The following DROSHA variants were observed in gnomAD, a reference collection of about 807,000 sequenced individuals.
DROSHA encodes the protein ribonuclease 3.
In DROSHA, 56 loss-of-function variants were observed where a neutral mutation model predicts 181.9. That is an observed-to-expected ratio of 0.31 (90% CI 0.25 to 0.38). DROSHA has a LOEUF of 0.38. Ranked by LOEUF, DROSHA falls within the 10% of genes least tolerant of loss-of-function variation. The pLI is 1.00. For synonymous variants in DROSHA, 524 were observed against 591.2 expected, an observed-to-expected ratio of 0.89 and a Z score of 1.65; for missense variants, 1,218 against 1,743.5, an observed-to-expected ratio of 0.70 and a Z score of 5.37.
intron 14 of DROSHA, 65 bp from the exon 15 acceptor site, chr5:31,485,027 C>T (rs1381406703): frequency 8.9e-7 from 1 of 1,127,344 alleles, no homozygotes; most frequent in East Asian, 2.6e-5. Flanking sequence ...GAAGGTTCAA[C>T]TTGTTCTTGT....
At chr5:31,475,117 A>G (rs1022250943) in intron 16 of DROSHA, among the ~76,000 whole-genome samples, 6 of 152,126 alleles carry the variant, frequency 3.9e-5, no homozygotes, top group African/African-American at 1.4e-4. Context: ...CAGGAGTTCA[A>G]GGCTAGCCTG....
intron 21 of DROSHA, among the ~76,000 whole-genome samples, chr5:31,450,115 T>C (rs1315067368): frequency 6.6e-6 from 1 of 152,150 alleles, no homozygotes; most frequent in Non-Finnish European, 1.5e-5. Context: ...CACAAGGAGA[T>C]ACCACTTACC....
intron 11 of DROSHA, among the ~76,000 whole-genome samples, chr5:31,500,198 T>C (rs1167248351): frequency 2.0e-5 from 3 of 152,176 alleles, no homozygotes; most frequent in Admixed American, 1.3e-4. Context: ...CCAATACCTA[T>C]AATTGGGGTC....
chr5:31,503,603 T>C (rs1446133624), intron 11 of DROSHA, among the ~76,000 whole-genome samples: 2 of 152,162 alleles, frequency 1.3e-5, no homozygotes, highest in Non-Finnish European at 2.9e-5. Flanking sequence ...TGACAGCCAT[T>C]CCAGCACAAC....
intron 3 of DROSHA, among the ~76,000 whole-genome samples, chr5:31,529,748 C>CAAAAAAAAAAAAAAAAA (rs60599492): frequency 7.9e-6 from 1 of 125,898 alleles, no homozygotes; most frequent in African/African-American, 3.0e-5. Flanking sequence ...AAAAAAAAAA[C>CAAAAAAAAAAAAAAAAA]AAAAAAAAAA....
At chr5:31,494,208 T>C (rs1213980141) in intron 12 of DROSHA, among the ~76,000 whole-genome samples, 3 of 152,064 alleles carry the variant, frequency 2.0e-5, no homozygotes, top group African/African-American at 7.2e-5. Context: ...CTTCAGGTGA[T>C]CCACTCGCCT....
intron 15 of DROSHA, among the ~76,000 whole-genome samples, chr5:31,484,343 C>A (rs571459059): frequency 2.5e-5 from 3 of 118,806 alleles, no homozygotes; most frequent in Non-Finnish European, 5.0e-5. Flanking sequence ...CACTGCAGTC[C>A]GCAGTCCGGC....
At chr5:31,419,413 AT>A (rs1452930948) in intron 30 of DROSHA, among the ~76,000 whole-genome samples, 1 of 152,206 alleles carries the variant, frequency 6.6e-6, no homozygotes, top group Non-Finnish European at 1.5e-5. Context: ...TGTTAAATAC[AT>A]TTTGGATAAA....
intron 20 of DROSHA, among the ~76,000 whole-genome samples, chr5:31,461,361 C>A (rs1580174060): frequency 1.3e-5 from 2 of 152,262 alleles, no homozygotes; most frequent in South Asian, 4.1e-4. Context: ...CCAGGAAGAG[C>A]TAACGTATCA....
At chr5:31,530,756 C>A in intron 3 of DROSHA, 42 bp downstream of exon 3, 1 of 398,214 alleles carries the variant, frequency 2.5e-6, no homozygotes, top group South Asian at 1.3e-4. Flanking sequence ...AATCCCATTC[C>A]CTCTAGACTT....
Position 31,528,833 on chromosome 5 carries a change from C to A in DROSHA, c.20+207G>T, listed in dbSNP as rs140650006. On this transcript the variant is annotated intron_variant, in intron 4 of 35. Transcript: ENST00000344624. ...GGAACTGCAAGCGCTGTCAGGGCAG[C>A]GCTCTGGGATTTCTATTAACTGTTC... Among the ~76,000 whole-genome samples, 12 of 152,336 alleles carry A rather than the reference C, an allele frequency of 7.9e-5. No homozygotes were observed. In the East Asian group the frequency reaches 1.9e-3, roughly 25 times the overall value.
chr5:31,513,507 G>A (rs999653521), intron 8 of DROSHA, among the ~76,000 whole-genome samples: 6 of 152,124 alleles, frequency 3.9e-5, no homozygotes, highest in Non-Finnish European at 8.8e-5. Context: ...TTCAGGCACC[G>A]TAAAGTGCAC....
chr5:31,518,388 T>G (rs1367407306), intron 6 of DROSHA, among the ~76,000 whole-genome samples: 1 of 152,238 alleles, frequency 6.6e-6, no homozygotes, highest in African/African-American at 2.4e-5. Flanking sequence ...TTTTATTACA[T>G]CACCTTCTTT....
chr5:31,437,204 T>C (rs529930730), intron 24 of DROSHA, 35 bp downstream of exon 24: 19 of 1,546,038 alleles, frequency 1.2e-5, no homozygotes, highest in Non-Finnish European at 1.7e-5. Context: ...AATGTAATTA[T>C]TGAGGAATTG....
In DROSHA at chr5:31,438,720, T is replaced by C. The variant is rs114528766; in HGVS notation, c.2883-1422A>G. 4.5e-3 allele frequency among the ~76,000 whole-genome samples: 683 copies of C among 152,216 alleles called. 6 individuals are homozygous for C. The highest frequency in any genetic ancestry group is 0.015 in the African/African-American group (635 of 41,536). On this transcript the variant is annotated intron_variant, in intron 23 of 35. Coordinates refer to ENST00000344624, the MANE Select transcript of DROSHA (RefSeq NM_001382508.1). ...ACAGTTGCTAATGAATCTTTAGGGTTAGTCAATGTTAGACAGAATTTCAGG... is the reference window on the plus strand; with the variant it reads ...ACAGTTGCTAATGAATCTTTAGGGTCAGTCAATGTTAGACAGAATTTCAGG...
intron 16 of DROSHA, among the ~76,000 whole-genome samples, chr5:31,477,107 T>C (rs562309129): frequency 6.6e-6 from 1 of 152,316 alleles, no homozygotes; most frequent in African/African-American, 2.4e-5. Context: ...AACAGCTCAT[T>C]ATTCGGGAAG....
intron 5 of DROSHA, among the ~76,000 whole-genome samples, chr5:31,525,486 A>G (rs1195871105): frequency 1.4e-5 from 2 of 146,580 alleles, no homozygotes; most frequent in Non-Finnish European, 3.0e-5. Flanking sequence ...CCTGGGCAAC[A>G]TAGCGAGATT....
chr5:31,422,720 C>T, intron 29 of DROSHA, 67 bp downstream of exon 29: 3 of 1,580,920 alleles, frequency 1.9e-6, no homozygotes, highest in Non-Finnish European at 2.6e-6. Context: ...GAAGGGCATG[C>T]TCCAAAGGTC....
At chr5:31,505,381 G>A (rs1456175184) in intron 10 of DROSHA, among the ~76,000 whole-genome samples, 1 of 152,140 alleles carries the variant, frequency 6.6e-6, no homozygotes, top group Admixed American at 6.5e-5. Flanking sequence ...TCAAACAGAT[G>A]AGATGGACAA....
Sources: gnomAD v4.1 joint callset for allele counts (sites outside exome capture counted in the v4.1 genomes callset) on GRCh38, gnomAD v4.1.1 for gene constraint, MANE v1.5 for transcripts, NCBI Gene and HGNC (gene_info 2026-07-23, HGNC 2026-07-21) for gene names.